Variants in ZNF333 observed in about 807,000 individuals in gnomAD.
ZNF333 encodes the protein zinc finger protein 333.
A neutral mutation model predicts 76.1 loss-of-function variants in ZNF333; 61 were observed. The ratio of observed to expected loss-of-function variants is 0.80; its 90% CI spans 0.65 to 0.99. The LOEUF is 0.99. Ranked by LOEUF, ZNF333 falls within the 50% of genes least tolerant of loss-of-function variation. ZNF333 has a pLI of 0.00. For missense variants in ZNF333, 717 were observed against 822.4 expected, an observed-to-expected ratio of 0.87 and a Z score of 1.57; for synonymous variants, 284 against 305.0, an observed-to-expected ratio of 0.93 and a Z score of 0.72.
intron 5 of ZNF333, 160 bp downstream of exon 5, chr19:14,699,441 G>A: frequency 1.6e-6 from 1 of 622,942 alleles, no homozygotes; most frequent in Non-Finnish European, 2.8e-6. Flanking sequence ...CTGAATTTGG[G>A]CAAACCCAGA....
chr19:14,719,744 CTT>C lies in ZNF333; in HGVS notation c.*421_*422del, dbSNP rs1568560063. ...ACATGGTGAGAAGAGTATGTGGCCT[CTT>C]TGTTACTGAGTCATAGGTATTTGCT... is the stretch of plus-strand genomic sequence containing the variant. On this transcript the variant is annotated 3_prime_UTR_variant, in exon 12 of 12. Transcript: ENST00000292530. 15 of 996,972 alleles carry C rather than the reference CTT, an allele frequency of 1.5e-5. No homozygotes were observed. 61.8% of individuals were successfully genotyped at this position (996,972 alleles called of 1,614,324 possible).
At chr19:14,726,672 C>G (rs114894297), downstream of ZNF333, among the ~76,000 whole-genome samples, 694 of 152,274 alleles carry the variant, frequency 4.6e-3, 10 homozygotes, top group African/African-American at 0.016. Flanking sequence ...GTTCAAACTT[C>G]CCGAAAGCCT....
At chr19:14,731,137 C>G in intron 11 of ZNF333, 1 of 1,528,912 alleles carries the variant, frequency 6.5e-7, no homozygotes, top group Non-Finnish European at 8.8e-7. Flanking sequence ...TTTCTCTTCT[C>G]TTTCCCTCAT....
chr19:14,729,901 A>G (rs1201197612), intron 11 of ZNF333, among the ~76,000 whole-genome samples: 2 of 152,156 alleles, frequency 1.3e-5, no homozygotes, highest in Non-Finnish European at 2.9e-5. Context: ...TATCTGTCCA[A>G]AGAAAAATGC....
rs1310024655 is a variant in ZNF333, at chr19:14,690,166, T to A, written c.-42+16T>A. 1.8e-5 allele frequency: 1 copy of A among 56,604 alleles called. No individual in the cohort carries two copies. Among genetic ancestry groups the A allele is most frequent in the East Asian group, 1.4e-3 (1 of 704 alleles). 3.5% of individuals were successfully genotyped at this position (56,604 alleles called of 1,614,324 possible). A position where few individuals can be genotyped will look rare whatever the true frequency, so the allele number is the denominator to read the frequency against. ...TGGCTTGCAGGTGTGGCCCGGCCCC[T>A]CGGGAGGGCGGGGAGGGCGGGGAGG... On this transcript the variant is annotated intron_variant, in intron 1 of 11. Transcript: ENST00000292530.
At chr19:14,724,233 T>C (rs2042620064), downstream of ZNF333, among the ~76,000 whole-genome samples, 1 of 152,196 alleles carries the variant, frequency 6.6e-6, no homozygotes, top group Non-Finnish European at 1.5e-5. Context: ...AAGATCAGAA[T>C]GAGAAGAGCT....
chr19:14,704,728 G>A (rs1434242078), intron 5 of ZNF333, among the ~76,000 whole-genome samples: 7 of 152,194 alleles, frequency 4.6e-5, no homozygotes, highest in Admixed American at 4.6e-4. Flanking sequence ...ACAATCATGG[G>A]AAAGACCTGT....
At chr19:14,701,170 T>C (rs2041946495) in intron 5 of ZNF333, among the ~76,000 whole-genome samples, 1 of 152,244 alleles carries the variant, frequency 6.6e-6, no homozygotes, top group Non-Finnish European at 1.5e-5. Context: ...TCAGGGCTGC[T>C]GGATTGCAGG....
chr19:14,732,445 G>C (rs1179939341), exon 12 of ZNF333: 1 of 152,154 alleles, frequency 6.6e-6, no homozygotes, highest in Non-Finnish European at 1.5e-5. Context: ...GTGATCTGGA[G>C]TGGAGCCTGC....
rs115607828 is a variant in ZNF333 at position 14,706,789 on chromosome 19, G to A, written c.511+16G>A. The A allele has an allele frequency of 5.4e-3, 8,623 of 1,607,698 alleles. 469 individuals are homozygous for A. The African/African-American group carries it at 0.1, about 19-fold the overall frequency. On this transcript the variant is annotated intron_variant, in intron 7 of 11. Transcript: ENST00000292530. ...AGGGATTCTGGTGAGTGAGTGCTGCGTGGAACACGTGGCCAGAGGGCCCTG... is the reference window on the plus strand; with the variant it reads ...AGGGATTCTGGTGAGTGAGTGCTGCATGGAACACGTGGCCAGAGGGCCCTG...
chr19:14,731,930 T>A (rs757295), exon 12 of ZNF333: 115,549 of 152,098 alleles, frequency 0.76, 44,533 homozygotes, highest in African/African-American at 0.87. Context: ...CCTCTGACCT[T>A]CCTTCCCCAA....
chr19:14,693,422 C>G, intron 1 of ZNF333, 29 bp from the exon 2 acceptor site: 1 of 1,560,248 alleles, frequency 6.4e-7, no homozygotes, highest in Non-Finnish European at 8.8e-7. Context: ...CTCACCCCTT[C>G]TTTTACCTCA....
chr19:14,700,179 C>G (rs553321383), intron 5 of ZNF333: 1 of 147,812 alleles, frequency 6.8e-6, no homozygotes, highest in East Asian at 1.9e-4. Context: ...TAATTTTTTT[C>G]TTTTTCTTTC....
In ZNF333 at chr19:14,699,200, C is replaced by T; in HGVS notation, c.225C>T (p.Ala75=). 6.2e-7 allele frequency: 1 copy of T among 1,612,906 alleles called. No homozygotes were observed. The highest frequency in any genetic ancestry group is 8.5e-7 in the Non-Finnish European group (1 of 1,179,118). The stretch of plus-strand genomic sequence containing the variant: ...CATTTTTTCTCCCATTCATTTCAGC[C>T]TGGGAATCTCAACTTAAACCCGAAG... The part of the protein sequence containing the change: ...ERGILRATGV[A]WESQLKPEEL... The change falls in exon 5 of 12, where the codon GCC becomes GCT. Residue 75 remains alanine (A), a splice_region_variant and synonymous_variant. Transcript: ENST00000292530.
At position 14,715,270 on chromosome 19, in the gene ZNF333, T is replaced by C. The variant is rs957614828; in HGVS notation, c.512-112T>C. On this transcript the variant is annotated intron_variant, in intron 7 of 11. Coordinates refer to ENST00000292530, the MANE Select transcript of ZNF333 (RefSeq NM_032433.4). The stretch of plus-strand genomic sequence containing the variant: ...GTGTGTGTCCCTGTGAGTGTGTGCA[T>C]GTGTGTGTGTACACATGTGATCACT... The C allele has an allele frequency of 2.6e-5, 21 of 796,806 alleles. No individual in the cohort carries two copies. In the African/African-American group the frequency reaches 3.7e-4, roughly 14 times the overall value. 49.4% of individuals were successfully genotyped at this position (796,806 alleles called of 1,614,324 possible).
downstream of ZNF333, among the ~76,000 whole-genome samples, chr19:14,724,602 CT>C (rs533377748): frequency 1.4e-4 from 21 of 152,280 alleles, no homozygotes; most frequent in East Asian, 4.0e-3. Context: ...TCCATCTCTA[CT>C]AAAAATACAA....
At chr19:14,699,059 A>AT (rs1206646946) in intron 4 of ZNF333, 140 bp from the exon 5 acceptor site, 1 of 572,838 alleles carries the variant, frequency 1.7e-6, no homozygotes, top group Non-Finnish European at 3.0e-6. Flanking sequence ...AAATTTGAAT[A>AT]TTTATATTCA....
intron 6 of ZNF333, chr19:14,706,211 C>G (rs1458279635): frequency 2.2e-6 from 1 of 456,912 alleles, no homozygotes; most frequent in Non-Finnish European, 4.4e-6. Context: ...CAGAGGGATC[C>G]CTTAGAAGTG....
downstream of ZNF333, among the ~76,000 whole-genome samples, chr19:14,724,492 G>T (rs964460799): frequency 6.6e-6 from 1 of 152,178 alleles, no homozygotes; most frequent in Non-Finnish European, 1.5e-5. Flanking sequence ...TAAGCCGGGC[G>T]CAGTGGCTCA....
Sources: gnomAD v4.1 joint callset for allele counts (sites outside exome capture counted in the v4.1 genomes callset) on GRCh38, gnomAD v4.1.1 for gene constraint, MANE v1.5 for transcripts, NCBI Gene and HGNC (gene_info 2026-07-23, HGNC 2026-07-21) for gene names.